Variants in NCAM2 observed in about 807,000 individuals in gnomAD.
The protein encoded by NCAM2 is N-CAM-2.
NCAM2 carries 30 observed loss-of-function variants against 98.1 expected under a neutral mutation model. The observed-to-expected ratio is 0.31, with a 90% CI of 0.23 to 0.41. NCAM2 has a LOEUF of 0.41. Among genes scored for constraint, NCAM2 ranks in the 10% least tolerant of loss-of-function variants. The probability of loss-of-function intolerance (pLI) is 1.00; values close to 1 mark genes in which losing one functional copy is unlikely to be tolerated. For missense variants in NCAM2, 867 were observed against 1,005.8 expected (o/e 0.86, Z 1.87); for synonymous variants, 368 against 342.4 (o/e 1.07, Z -0.83).
intron 6 of NCAM2, 80 bp downstream of exon 6, chr21:21,324,580 G>A: frequency 1.8e-5 from 18 of 1,001,608 alleles, no homozygotes; most frequent in East Asian, 9.9e-5. Flanking sequence ...TAATCATTTT[G>A]GTAAAAAGCA....
chr21:21,524,870 C>G (rs1481581596), intron 16 of NCAM2, among the ~76,000 whole-genome samples: 1 of 152,056 alleles, frequency 6.6e-6, no homozygotes, highest in Non-Finnish European at 1.5e-5. Context: ...CTAGAAAATA[C>G]TCCAAATGCT....
At chr21:21,451,307 A>G (rs1039324590) in intron 12 of NCAM2, among the ~76,000 whole-genome samples, 3 of 152,172 alleles carry the variant, frequency 2.0e-5, no homozygotes, top group Non-Finnish European at 4.4e-5. Context: ...GGTCAAATCA[A>G]ATTAAACCAT....
intron 1 of NCAM2, among the ~76,000 whole-genome samples, chr21:21,059,891 C>T (rs188632912): frequency 1.3e-5 from 2 of 152,124 alleles, no homozygotes; most frequent in Admixed American, 6.6e-5. Flanking sequence ...TTAATAGTGT[C>T]CAGACAGAGA....
chr21:21,168,973 AG>A, intron 1 of NCAM2, among the ~76,000 whole-genome samples: 1 of 152,314 alleles, frequency 6.6e-6, no homozygotes. Context: ...CAAAAGACCC[AG>A]AATGACCAAT....
intron 9 of NCAM2, among the ~76,000 whole-genome samples, chr21:21,397,241 A>G (rs1244675215): frequency 6.6e-6 from 1 of 152,104 alleles, no homozygotes; most frequent in Admixed American, 6.5e-5. Flanking sequence ...CTGGGCCACG[A>G]TTCCACCCAG....
chr21:21,521,803 C>T (rs1389108395), intron 16 of NCAM2, among the ~76,000 whole-genome samples: 1 of 151,722 alleles, frequency 6.6e-6, no homozygotes, highest in Non-Finnish European at 1.5e-5. Flanking sequence ...ATAATATGTG[C>T]ATATTGGTCA....
chr21:21,532,978 T>G (rs527262158), intron 16 of NCAM2, among the ~76,000 whole-genome samples: 3 of 152,220 alleles, frequency 2.0e-5, no homozygotes, highest in African/African-American at 7.2e-5. Context: ...TCTATTCTTA[T>G]AAACACCCAT....
intron 11 of NCAM2, among the ~76,000 whole-genome samples, chr21:21,424,723 A>G (rs575095445): frequency 3.9e-5 from 6 of 152,198 alleles, no homozygotes; most frequent in Admixed American, 3.3e-4. Flanking sequence ...AAGTTAAGTT[A>G]TAGATCTTAA....
At chr21:21,417,116 A>G (rs2077010975) in intron 10 of NCAM2, among the ~76,000 whole-genome samples, 2 of 152,082 alleles carry the variant, frequency 1.3e-5, no homozygotes, top group Admixed American at 6.5e-5. Context: ...TAATAGTCAC[A>G]TTTCTTTGTT....
intron 1 of NCAM2, among the ~76,000 whole-genome samples, chr21:21,019,760 G>T (rs992183503): frequency 3.3e-5 from 5 of 152,114 alleles, no homozygotes; most frequent in Non-Finnish European, 5.9e-5. Flanking sequence ...GCTTTGCAAA[G>T]TTACATTACC....
intron 13 of NCAM2, 77 bp downstream of exon 13, chr21:21,466,802 GGAGATGTTTCAACACTTTT>G: frequency 7.0e-7 from 1 of 1,430,104 alleles, no homozygotes; most frequent in Non-Finnish European, 9.5e-7. Flanking sequence ...TAAAATGTAG[GGAGATGTTTCAACACTTTT>G]GAGACATGAA....
At chr21:21,425,111 T>C (rs530184069) in intron 11 of NCAM2, among the ~76,000 whole-genome samples, 12 of 149,844 alleles carry the variant, frequency 8.0e-5, no homozygotes, top group African/African-American at 2.9e-4. Context: ...CGAGGGAAAT[T>C]TGGAGATTTT....
At chr21:21,099,931 A>G (rs981870995) in intron 1 of NCAM2, among the ~76,000 whole-genome samples, 4 of 149,952 alleles carry the variant, frequency 2.7e-5, no homozygotes, top group Admixed American at 6.6e-5. Context: ...TTTGCTTTCT[A>G]TTGATCAGCA....
intron 1 of NCAM2, among the ~76,000 whole-genome samples, chr21:21,156,641 T>G (rs916613990): frequency 6.6e-6 from 1 of 151,994 alleles, no homozygotes; most frequent in South Asian, 2.1e-4. Context: ...GCTTTAGTTA[T>G]ATGTATCATA....
chr21:21,142,827 C>A (rs945428825), intron 1 of NCAM2, among the ~76,000 whole-genome samples: 1 of 152,002 alleles, frequency 6.6e-6, no homozygotes, highest in East Asian at 1.9e-4. Flanking sequence ...GTTATAAAAA[C>A]CATAATTAAA....
intron 1 of NCAM2, among the ~76,000 whole-genome samples, chr21:21,037,424 C>A (rs1822213693): frequency 6.6e-6 from 1 of 152,224 alleles, no homozygotes; most frequent in South Asian, 2.1e-4. Context: ...AGCCAGTTAA[C>A]AGTTTTAAGA....
intron 1 of NCAM2, among the ~76,000 whole-genome samples, chr21:21,109,004 A>G (rs1377825784): frequency 6.6e-6 from 1 of 152,074 alleles, no homozygotes; most frequent in Non-Finnish European, 1.5e-5. Flanking sequence ...TTACACAAAT[A>G]TTTTTCCTTC....
intron 1 of NCAM2, among the ~76,000 whole-genome samples, chr21:21,182,122 T>C (rs887455225): frequency 6.6e-6 from 1 of 152,078 alleles, no homozygotes; most frequent in Non-Finnish European, 1.5e-5. Flanking sequence ...TTAGTAATAA[T>C]TTTGAACAAA....
At chr21:21,224,589 T>C in intron 1 of NCAM2, among the ~76,000 whole-genome samples, 1 of 152,276 alleles carries the variant, frequency 6.6e-6, no homozygotes, top group Non-Finnish European at 1.5e-5. Context: ...AGTCCTCATT[T>C]TATATACATT....
Sources: allele counts gnomAD v4.1 joint callset (sites outside exome capture counted in the v4.1 genomes callset), GRCh38; gene constraint gnomAD v4.1.1; transcripts MANE v1.5; gene names NCBI Gene and HGNC (gene_info 2026-07-23, HGNC 2026-07-21).